ANGPTL4: variants seen among roughly 807,000 people sequenced by gnomAD.
The protein encoded by ANGPTL4 is angiopoietin-related protein 4.
In ANGPTL4, 39 loss-of-function variants were observed where a neutral mutation model predicts 39.2. That is an observed-to-expected ratio of 1.00 (90% CI 0.77 to 1.30). ANGPTL4 has a LOEUF of 1.30. Ranked by LOEUF, ANGPTL4 falls within the 50% of genes most tolerant of loss-of-function variation. ANGPTL4 has a pLI of 0.00. For missense variants in ANGPTL4, 545 were observed against 549.8 expected, an observed-to-expected ratio of 0.99 and a Z score of 0.09; for synonymous variants, 233 against 229.5, an observed-to-expected ratio of 1.02 and a Z score of -0.14.
Position 8,371,371 on chromosome 19 carries a change from G to C in ANGPTL4, c.888G>C (p.Glu296Asp), listed in dbSNP as rs531933760. Reference sequence around the variant, plus strand: ...AGTTCTCCGTGCACCTGGGTGGCGAGGACACGGCCTATAGCCTGCAGCTCA... The same window carrying C: ...AGTTCTCCGTGCACCTGGGTGGCGACGACACGGCCTATAGCCTGCAGCTCA... The part of the protein sequence containing the change: ...LLQFSVHLGG[E>D]DTAYSLQLTA... Residue 296 changes from glutamate to aspartate, a missense_variant, in exon 6 of 7, where the codon GAG (glutamate) becomes GAC (aspartate). Physicochemically the swap from Glu to Asp is conservative, Grantham distance 45 (BLOSUM62 2). Transcript: ENST00000301455. This position sits in a 1 kb window ranked among gnomAD's most constrained non-coding sequence, Gnocchi z 5.1. 23 of 1,613,646 alleles carry C rather than the reference G, an allele frequency of 1.4e-5. No individual in the cohort carries two copies. The South Asian group carries it at 2.2e-4, about 15-fold the overall frequency.
chr19:8,371,566 CCTT>C lies in ANGPTL4; in HGVS notation c.1039+45_1039+47del. 6.2e-7 allele frequency: 1 copy of C among 1,610,664 alleles called. No individual in the cohort carries two copies. Among genetic ancestry groups the C allele is most frequent in the Non-Finnish European group, 8.5e-7 (1 of 1,179,724 alleles). On this transcript the variant is annotated intron_variant, in intron 6 of 6. Transcript: ENST00000301455. The surrounding 1 kb of genome is among the most constrained non-coding windows in gnomAD (Gnocchi z 5.1). Reference sequence around the variant, plus strand: ...GCCACACCCAGCCAGCAGCTTCCCTCCTTATCTTTCTGCTGCTCTGTCCTGCCT... The same window carrying C: ...GCCACACCCAGCCAGCAGCTTCCCTCATCTTTCTGCTGCTCTGTCCTGCCT...
In ANGPTL4 at chr19:8,366,065, G is replaced by T; in HGVS notation, c.429+1G>T. 4 of 1,613,916 alleles carry T rather than the reference G, an allele frequency of 2.5e-6. No homozygotes were observed. The highest frequency in any genetic ancestry group is 3.4e-6 in the Non-Finnish European group (4 of 1,179,868). On this transcript the variant is annotated splice_donor_variant, in intron 2 of 6. Coordinates refer to ENST00000301455, the MANE Select transcript of ANGPTL4 (RefSeq NM_139314.3). LOFTEE classifies it high-confidence loss of function. ...GCGAATTCAGCATCTGCAAAGCCAG[G>T]TAACCCTAGGATCAAGGGAGAAAAG... is the stretch of plus-strand genomic sequence containing the variant.
rs1376122642 is a variant in ANGPTL4 at position 8,370,718 on chromosome 19, A to AC, written c.662-338_662-337insC. On this transcript the variant is annotated intron_variant, in intron 4 of 6. Coordinates refer to ENST00000301455, the MANE Select transcript of ANGPTL4 (RefSeq NM_139314.3). ...CCATCTCTAAAAAAAAAAAAAAAAA[A>AC]AAAGAAAGCTTTTTTTTCCACTGAG... Among the ~76,000 whole-genome samples, 579 of 150,220 alleles carry AC rather than the reference A, an allele frequency of 3.9e-3. 2 individuals are homozygous for AC. Among genetic ancestry groups the AC allele is most frequent in the Non-Finnish European group, 6.0e-3 (404 of 67,496 alleles).
At position 8,371,883 on chromosome 19, in the gene ANGPTL4, G is replaced by A. The variant is rs1426900701; in HGVS notation, c.1039+361G>A. Among the ~76,000 whole-genome samples, 3 of 151,474 alleles carry A rather than the reference G, an allele frequency of 2.0e-5. No individual in the cohort carries two copies. Among genetic ancestry groups the A allele is most frequent in the Admixed American group, 6.6e-5 (1 of 15,196 alleles). On this transcript the variant is annotated intron_variant, in intron 6 of 6. Transcript: ENST00000301455. This position sits in a 1 kb window ranked among gnomAD's most constrained non-coding sequence, Gnocchi z 5.1. ...CACCATTCTCCTGCCTCAGCCTCCC[G>A]AGTAGCTGGGACTATAGGTGCCCAC...
intron 3 of ANGPTL4, among the ~76,000 whole-genome samples, chr19:8,368,164 G>A (rs1244951038): frequency 5.3e-5 from 8 of 152,046 alleles, no homozygotes; most frequent in Admixed American, 2.6e-4. Flanking sequence ...GATTACTGGC[G>A]TCCACCATCA....
intron 1 of ANGPTL4, 124 bp downstream of exon 1, chr19:8,364,763 A>G (rs1970966109): frequency 7.3e-6 from 9 of 1,225,610 alleles, no homozygotes; most frequent in Non-Finnish European, 1.1e-5. Flanking sequence ...CCCTGCGTCA[A>G]GGGATGGGCT....
intron 1 of ANGPTL4, among the ~76,000 whole-genome samples, chr19:8,365,281 C>A (rs1455056436): frequency 6.6e-6 from 1 of 151,588 alleles, no homozygotes; most frequent in Non-Finnish European, 1.5e-5. Context: ...AGTTCAAGAC[C>A]AGCCTGACCA....
intron 3 of ANGPTL4, among the ~76,000 whole-genome samples, chr19:8,368,057 C>T (rs1201257657): frequency 2.1e-5 from 3 of 145,240 alleles, no homozygotes; most frequent in Non-Finnish European, 4.5e-5. Flanking sequence ...CTCACTCTGT[C>T]ACCCAGGTTG....
Position 8,371,326 on chromosome 19 carries a change from T to C in ANGPTL4, c.843T>C (p.Asp281=). The change falls in exon 6 of 7, where the codon GAT becomes GAC. Residue 281 remains aspartate, a synonymous_variant. Coordinates refer to ENST00000301455, the MANE Select transcript of ANGPTL4 (RefSeq NM_139314.3). The surrounding 1 kb of genome is among the most constrained non-coding windows in gnomAD (Gnocchi z 5.1). ...SRLAVQLRDW[D]GNAELLQFSV... ...TGGCCGTGCAGCTGCGGGACTGGGA[T>C]GGCAACGCCGAGTTGCTGCAGTTCT... 4 of 1,613,838 alleles carry C rather than the reference T, an allele frequency of 2.5e-6. No individual in the cohort carries two copies. Among genetic ancestry groups the C allele is most frequent in the Non-Finnish European group, 3.4e-6 (4 of 1,180,024 alleles).
In ANGPTL4 at chr19:8,371,808, T is replaced by G. The variant is rs1176682398; in HGVS notation, c.1039+286T>G. Among the ~76,000 whole-genome samples the G allele has an allele frequency of 6.6e-6, 1 of 152,210 alleles. No homozygotes were observed. Among genetic ancestry groups the G allele is most frequent in the African/African-American group, 2.4e-5 (1 of 41,452 alleles). On this transcript the variant is annotated intron_variant, in intron 6 of 6. Coordinates refer to ENST00000301455, the MANE Select transcript of ANGPTL4 (RefSeq NM_139314.3). This position sits in a 1 kb window ranked among gnomAD's most constrained non-coding sequence, Gnocchi z 5.1. ...TCTCACTTTGTCACCCAGGCTGGAG[T>G]GCTTTGTGGCACGATCTTGGCTCAC...
chr19:8,365,409 C>A (rs548020198), intron 1 of ANGPTL4, among the ~76,000 whole-genome samples: 1 of 151,972 alleles, frequency 6.6e-6, no homozygotes, highest in Admixed American at 6.6e-5. Flanking sequence ...ACCCGGGAGG[C>A]GGAGGTTGCA....
At position 8,364,485 on chromosome 19, in the gene ANGPTL4, T is replaced by C; in HGVS notation, c.164T>C (p.Leu55Pro). 1.3e-6 allele frequency: 2 copies of C among 1,565,408 alleles called. No homozygotes were observed. The highest frequency in any genetic ancestry group is 1.7e-6 in the Non-Finnish European group (2 of 1,156,356). ...GGACTCCTGCAGCTCGGCCAGGGGCTGCGCGAACACGCGGAGCGCACCCGC... is the reference window on the plus strand; with the variant it reads ...GGACTCCTGCAGCTCGGCCAGGGGCCGCGCGAACACGCGGAGCGCACCCGC... ...AHGLLQLGQG[L>P]REHAERTRSQ... The change falls in exon 1 of 7, where the codon CTG becomes CCG. Residue 55 changes from leucine to proline, a missense_variant. Coordinates refer to ENST00000301455, the MANE Select transcript of ANGPTL4 (RefSeq NM_139314.3).
intron 3 of ANGPTL4, among the ~76,000 whole-genome samples, chr19:8,367,532 C>T (rs939704923): frequency 6.6e-6 from 1 of 152,196 alleles, no homozygotes; most frequent in Non-Finnish European, 1.5e-5. Context: ...GGCCGGAAAG[C>T]GTCTTCCTGG....
Position 8,366,291 on chromosome 19 carries a change from C to T in ANGPTL4, c.519C>T (p.Asp173=). The T allele has an allele frequency of 6.2e-7, 1 of 1,614,068 alleles. No homozygotes were observed. Among genetic ancestry groups the T allele is most frequent in the Non-Finnish European group, 8.5e-7 (1 of 1,180,026 alleles). Residue 173 remains aspartate (D), a synonymous_variant, in exon 3 of 7, where the codon GAC becomes GAT. Transcript: ENST00000301455. ...TGCCCGAGATGGCCCAGCCAGTTGA[C>T]CCGGCTCACAATGTCAGCCGCCTGC... ...KRLPEMAQPV[D]PAHNVSRLHR...
chr19:8,367,843 C>T (rs1163436751), intron 3 of ANGPTL4, among the ~76,000 whole-genome samples: 1 of 152,120 alleles, frequency 6.6e-6, no homozygotes, highest in Non-Finnish European at 1.5e-5. Flanking sequence ...GTTTTGTTTG[C>T]TTTTTGAGAC....
chr19:8,367,216 C>T (rs934761492), intron 3 of ANGPTL4, among the ~76,000 whole-genome samples: 1 of 152,184 alleles, frequency 6.6e-6, no homozygotes, highest in Admixed American at 6.5e-5. Context: ...CCCCCAACCC[C>T]GCCAGGCTAG....
intron 3 of ANGPTL4, 107 bp downstream of exon 3, chr19:8,366,426 C>T: frequency 8.0e-7 from 1 of 1,256,260 alleles, no homozygotes; most frequent in East Asian, 2.4e-5. Context: ...ATGTCCTGGC[C>T]TGGAGTCCCT....
rs557880920 is a variant in ANGPTL4, at chr19:8,372,749, C to T, written c.1040-956C>T. ...ATAAGGCTGCAGTGAGCTGAGACTG[C>T]GCCACTGCACTCAAGCCTGGGTGAC... On this transcript the variant is annotated intron_variant, in intron 6 of 6. Transcript: ENST00000301455. Among the ~76,000 whole-genome samples the T allele has an allele frequency of 3.2e-4, 48 of 151,884 alleles. 1 individual carries two copies. The highest frequency in any genetic ancestry group is 4.0e-4 in the Non-Finnish European group (27 of 67,940).
chr19:8,365,826 A>G, intron 1 of ANGPTL4, 128 bp from the exon 2 acceptor site: 1 of 773,918 alleles, frequency 1.3e-6, no homozygotes, highest in Non-Finnish European at 2.2e-6. Flanking sequence ...ATTGGGAAAA[A>G]AAAGAAAAAA....
Sources: allele counts gnomAD v4.1 joint callset (sites outside exome capture counted in the v4.1 genomes callset), GRCh38; gene constraint gnomAD v4.1.1; non-coding constraint Gnocchi (gnomAD v3.1); transcripts MANE v1.5; gene names NCBI Gene and HGNC (gene_info 2026-07-23, HGNC 2026-07-21).